Variants in THADA observed in about 807,000 individuals in gnomAD.
THADA encodes the protein tRNA (32-2'-O)-methyltransferase regulator THADA.
In THADA, 213 loss-of-function variants were observed where a neutral mutation model predicts 219.8. That is an observed-to-expected ratio of 0.97 (90% CI 0.87 to 1.09). The LOEUF (loss-of-function observed/expected upper bound fraction) is 1.09. Among genes scored for constraint, THADA ranks in the 50% least tolerant of loss-of-function variants. The pLI is 0.00. For synonymous variants in THADA, 1,018 were observed against 828.9 expected (o/e 1.23, Z -3.92); for missense variants, 2,956 against 2,311.3 (o/e 1.28, Z -5.72).
chr2:43,291,473 A>AAAAAAAAAAAAAAAAAAAAAAAAAAC (rs1558527804), intron 34 of THADA, among the ~76,000 whole-genome samples: 1 of 146,734 alleles, frequency 6.8e-6, no homozygotes, highest in Non-Finnish European at 1.5e-5. Context: ...AAAAAAAAAA[A>AAAAAAAAAAAAAAAAAAAAAAAAAAC]AAAAAAAAAT....
chr2:43,265,060 T>G (rs942397426), intron 36 of THADA, among the ~76,000 whole-genome samples: 2 of 152,236 alleles, frequency 1.3e-5, no homozygotes, highest in Non-Finnish European at 2.9e-5. Flanking sequence ...GAGTGTGTGC[T>G]TGGGAAGCCA....
chr2:43,517,489 A>G (rs924530933), intron 22 of THADA, among the ~76,000 whole-genome samples: 1 of 152,200 alleles, frequency 6.6e-6, no homozygotes, highest in African/African-American at 2.4e-5. Flanking sequence ...AAGCACAAGA[A>G]GGAAGAAAAT....
intron 17 of THADA, among the ~76,000 whole-genome samples, chr2:43,553,559 T>C (rs1224328279): frequency 6.6e-6 from 1 of 152,190 alleles, no homozygotes; most frequent in Non-Finnish European, 1.5e-5. Flanking sequence ...TCTAAAATTA[T>C]GAGAATAAAG....
chr2:43,479,826 AT>A (rs1265042114), intron 26 of THADA, among the ~76,000 whole-genome samples: 2 of 152,200 alleles, frequency 1.3e-5, no homozygotes, highest in East Asian at 3.8e-4. Context: ...GGTAAATAAC[AT>A]TCATGCACCA....
At chr2:43,539,884 G>C (rs988534828) in intron 21 of THADA, among the ~76,000 whole-genome samples, 2 of 151,760 alleles carry the variant, frequency 1.3e-5, no homozygotes, top group African/African-American at 4.8e-5. Flanking sequence ...AAATACATAA[G>C]ATTTGGGTGC....
At chr2:43,318,019 T>C (rs1678271114) in intron 31 of THADA, among the ~76,000 whole-genome samples, 1 of 152,156 alleles carries the variant, frequency 6.6e-6, no homozygotes, top group South Asian at 2.1e-4. Flanking sequence ...TTTCCCATTC[T>C]AGTTGCCATA....
At chr2:43,437,250 T>G (rs1232081426) in intron 26 of THADA, among the ~76,000 whole-genome samples, 1 of 152,224 alleles carries the variant, frequency 6.6e-6, no homozygotes, top group African/African-American at 2.4e-5. Flanking sequence ...AGACTTCCAA[T>G]CTACAGGTTA....
Position 43,287,008 on chromosome 2 carries a change from C to A in THADA, c.5064G>T (p.Leu1688Phe). 6.2e-7 allele frequency: 1 copy of A among 1,613,916 alleles called. No homozygotes were observed. The highest frequency in any genetic ancestry group is 8.5e-7 in the Non-Finnish European group (1 of 1,179,856). The change falls in exon 35 of 38, where the codon TTG (leucine) becomes TTT (phenylalanine). Residue 1688 changes from leucine (L) to phenylalanine (F), a missense_variant. Physicochemically the swap from Leu to Phe is conservative, Grantham distance 22. Coordinates refer to ENST00000405975, the MANE Select transcript of THADA (RefSeq NM_022065.5). The stretch of plus-strand genomic sequence containing the variant: ...CTGTAGGAAGATGGTCTTCACATGA[C>A]AAGATGACCAGCTGAACCCACTGCT... The part of the protein sequence containing the change: ...ELKQWVQLVI[L>F]SCEDHLPTES...
At chr2:43,531,030 G>A (rs1009462495) in intron 21 of THADA, among the ~76,000 whole-genome samples, 1 of 152,136 alleles carries the variant, frequency 6.6e-6, no homozygotes, top group Non-Finnish European at 1.5e-5. Flanking sequence ...TTAGATAACA[G>A]TCTTTCTTTA....
At position 43,291,454 on chromosome 2, in the gene THADA, C is replaced by CAAAAAAA. The variant is rs765352765; in HGVS notation, c.5010+235_5010+241dup. 2.8e-3 allele frequency among the ~76,000 whole-genome samples: 23 copies of CAAAAAAA among 8,080 alleles called. 3 individuals are homozygous for CAAAAAAA. Among genetic ancestry groups the CAAAAAAA allele is most frequent in the African/African-American group, 6.8e-3 (15 of 2,198 alleles). 5.3% of individuals were successfully genotyped at this position (8,080 alleles called of 152,430 possible). Reference sequence around the variant, plus strand: ...GGGCAACAAGAGCAAAACTCCATCTCAAAAAAAAAAAAAAAAAAAAAAAAA... The same window carrying CAAAAAAA: ...GGGCAACAAGAGCAAAACTCCATCTCAAAAAAAAAAAAAAAAAAAAAAAAAAAAAAAA... On this transcript the variant is annotated intron_variant, in intron 34 of 37. Coordinates refer to ENST00000405975, the MANE Select transcript of THADA (RefSeq NM_022065.5).
At chr2:43,371,572 CAAAG>C (rs567103296) in intron 29 of THADA, among the ~76,000 whole-genome samples, 21 of 151,744 alleles carry the variant, frequency 1.4e-4, no homozygotes, top group Non-Finnish European at 2.9e-4. Flanking sequence ...AAAATAAAGA[CAAAG>C]AAAAAAAACA....
At chr2:43,520,131 C>T (rs1174224864) in intron 22 of THADA, among the ~76,000 whole-genome samples, 1 of 152,182 alleles carries the variant, frequency 6.6e-6, no homozygotes, top group East Asian at 1.9e-4. Flanking sequence ...TGAAACAGTC[C>T]TTGGTTCTTT....
rs865800809 is a variant in THADA, at chr2:43,432,018, G to A, written c.3837-1716C>T. On this transcript the variant is annotated intron_variant, in intron 26 of 37. Coordinates refer to ENST00000405975, the MANE Select transcript of THADA (RefSeq NM_022065.5). The stretch of plus-strand genomic sequence containing the variant: ...ACTACAGGCGCCCGCCACTACGCCC[G>A]GCTAATTTTTTGTATTTTTAGTAGA... Among the ~76,000 whole-genome samples, 33 of 130,264 alleles carry A rather than the reference G, an allele frequency of 2.5e-4. 2 individuals carry two copies. Among genetic ancestry groups the A allele is most frequent in the South Asian group, 7.6e-4 (3 of 3,958 alleles). The allele number at this position is 130,264 out of a possible 152,430, so 85.5% of individuals were successfully genotyped here.
chr2:43,524,516 C>T (rs1437447737), intron 22 of THADA, among the ~76,000 whole-genome samples: 1 of 152,148 alleles, frequency 6.6e-6, no homozygotes, highest in Non-Finnish European at 1.5e-5. Context: ...TTTCTTTTTG[C>T]AAACTTTTTA....
chr2:43,553,829 T>C (rs569152009), intron 17 of THADA, among the ~76,000 whole-genome samples: 6 of 152,344 alleles, frequency 3.9e-5, no homozygotes, highest in African/African-American at 7.2e-5. Flanking sequence ...TGTGAAGTGC[T>C]TCCTCACTGT....
At chr2:43,300,830 A>G (rs553257593) in intron 31 of THADA, among the ~76,000 whole-genome samples, 3 of 152,214 alleles carry the variant, frequency 2.0e-5, no homozygotes, top group Non-Finnish European at 4.4e-5. Flanking sequence ...CTCGGACTCA[A>G]GGAGATGCCC....
At chr2:43,377,129 A>G (rs1558661630) in intron 29 of THADA, among the ~76,000 whole-genome samples, 1 of 152,316 alleles carries the variant, frequency 6.6e-6, no homozygotes, top group South Asian at 2.1e-4. Flanking sequence ...AGTTGGGATA[A>G]ACAATAGCAT....
chr2:43,477,289 G>A (rs767446559), intron 26 of THADA, among the ~76,000 whole-genome samples: 3 of 151,958 alleles, frequency 2.0e-5, no homozygotes, highest in Admixed American at 1.3e-4. Context: ...AATCTCCATG[G>A]TCAAATAATT....
intron 29 of THADA, chr2:43,391,710 A>C (rs1253894198): frequency 6.6e-6 from 1 of 152,202 alleles, no homozygotes; most frequent in Non-Finnish European, 1.5e-5. Context: ...TGCTGCTCCC[A>C]GCTGCAGGTG....
Sources: gnomAD v4.1 joint callset for allele counts (sites outside exome capture counted in the v4.1 genomes callset) on GRCh38, gnomAD v4.1.1 for gene constraint, MANE v1.5 for transcripts, NCBI Gene and HGNC (gene_info 2026-07-23, HGNC 2026-07-21) for gene names.